The following HEATR4 variants were observed in gnomAD, a reference collection of about 807,000 sequenced individuals.
The protein encoded by HEATR4 is HEAT repeat containing 4, also known as HEAT repeat-containing protein 4.
In HEATR4, 95 loss-of-function variants were observed where a neutral mutation model predicts 108.8. The observed-to-expected ratio is 0.87, with a 90% CI of 0.74 to 1.04. The LOEUF (loss-of-function observed/expected upper bound fraction) is 1.04, where lower values mean the gene tolerates loss of function less well. Among genes scored for constraint, HEATR4 ranks in the 50% least tolerant of loss-of-function variants. The pLI is 0.00. For synonymous variants in HEATR4, 443 were observed against 459.4 expected, an observed-to-expected ratio of 0.96 and a Z score of 0.46; for missense variants, 1,152 against 1,253.8, an observed-to-expected ratio of 0.92 and a Z score of 1.23.
At chr14:73,513,600 G>A (rs1370510833) in intron 6 of HEATR4, among the ~76,000 whole-genome samples, 7 of 151,846 alleles carry the variant, frequency 4.6e-5, no homozygotes, top group African/African-American at 1.7e-4. Flanking sequence ...GGTGGCGGGT[G>A]CCTGTAATCC....
At chr14:73,553,142 C>G (rs1238302991) in intron 1 of HEATR4, among the ~76,000 whole-genome samples, 1 of 115,328 alleles carries the variant, frequency 8.7e-6, no homozygotes, top group Non-Finnish European at 1.9e-5. Flanking sequence ...AAGCCTCCTG[C>G]TCAGGACACT....
At chr14:73,559,395 C>T (rs1240487964), upstream of HEATR4, among the ~76,000 whole-genome samples, 2 of 151,556 alleles carry the variant, frequency 1.3e-5, no homozygotes, top group African/African-American at 2.4e-5. Context: ...CTGGGATTTG[C>T]AACTGTGAGC....
intron 1 of HEATR4, chr14:73,543,051 T>C (rs376948382): frequency 1.4e-6 from 2 of 1,440,744 alleles, no homozygotes; most frequent in African/African-American, 3.0e-5. Flanking sequence ...CTTTCTCAGG[T>C]AAAAGGTCCA....
chr14:73,509,947 C>T (rs1057002633), intron 7 of HEATR4, among the ~76,000 whole-genome samples: 1 of 148,102 alleles, frequency 6.8e-6, no homozygotes, highest in Non-Finnish European at 1.5e-5. Flanking sequence ...GATCTCAGCT[C>T]ACTGCAAGCT....
At chr14:73,595,310 A>G in the HEATR4 span, 1 of 1,614,228 alleles carries the variant, frequency 6.2e-7, no homozygotes, top group Admixed American at 1.7e-5. Context: ...GAACCCCAGC[A>G]TGATTCCAAT....
chr14:73,570,990 TAA>T, the HEATR4 span, among the ~76,000 whole-genome samples: 1 of 147,354 alleles, frequency 6.8e-6, no homozygotes, highest in Non-Finnish European at 1.5e-5. Flanking sequence ...TTTTTTTTTT[TAA>T]ATAAGAATTC....
intron 1 of HEATR4, among the ~76,000 whole-genome samples, chr14:73,551,809 TAAAAAA>T (rs1291975751): frequency 1.2e-5 from 1 of 80,558 alleles, no homozygotes; most frequent in African/African-American, 4.2e-5. Flanking sequence ...ATCTCCGTCT[TAAAAAA>T]AAAAAAAAAA....
intron 16 of HEATR4, among the ~76,000 whole-genome samples, chr14:73,493,602 C>T (rs928850460): frequency 1.3e-5 from 2 of 152,058 alleles, no homozygotes; most frequent in African/African-American, 2.4e-5. Flanking sequence ...CTTTAGGAGG[C>T]CGAGGCGGGT....
In HEATR4 at chr14:73,550,489, T is replaced by C. The variant is rs1442797726; in HGVS notation, c.-152+8262A>G. Reference sequence around the variant, plus strand: ...GAGACATGTGACATATGAACAAGCATGTACAGCTACTGTGCATGTGCACAC... The same window carrying C: ...GAGACATGTGACATATGAACAAGCACGTACAGCTACTGTGCATGTGCACAC... On this transcript the variant is annotated intron_variant, in intron 1 of 17. Coordinates refer to ENST00000553558, the MANE Select transcript of HEATR4 (RefSeq NM_001220484.1). Among the ~76,000 whole-genome samples, 2 of 113,886 alleles carry C rather than the reference T, an allele frequency of 1.8e-5. 1 individual carries two copies. The highest frequency in any genetic ancestry group is 3.8e-5 in the Non-Finnish European group (2 of 52,390). The allele number at this position is 113,886 out of a possible 152,430, so 74.7% of individuals were successfully genotyped here.
the HEATR4 span, chr14:73,569,975 C>G: frequency 2.1e-6 from 3 of 1,460,256 alleles, no homozygotes; most frequent in African/African-American, 2.9e-5. Context: ...TGTATGCCCC[C>G]CCGCCGCGCC....
chr14:73,603,063 A>G, the HEATR4 span, among the ~76,000 whole-genome samples: 3 of 145,084 alleles, frequency 2.1e-5, no homozygotes, highest in Admixed American at 2.2e-4. Flanking sequence ...GTATGTTACA[A>G]TGATGACTCT....
the HEATR4 span, among the ~76,000 whole-genome samples, chr14:73,606,288 G>A: frequency 6.6e-6 from 1 of 152,002 alleles, no homozygotes; most frequent in Admixed American, 6.6e-5. Context: ...CTCAGGAGGT[G>A]GAGGTTGCGG....
chr14:73,619,552 CA>C, the HEATR4 span: 203 of 1,614,038 alleles, frequency 1.3e-4, no homozygotes, highest in Middle Eastern at 3.3e-4. Context: ...CATGGATGAT[CA>C]AAGCTGGAAG....
In HEATR4 at chr14:73,551,240, T is replaced by C. The variant is rs2140319556; in HGVS notation, c.-152+7511A>G. ...TACCCCAACTAGTCAATGAGCCCAATTTTCTAGCCCTTTACCCTCCATGAT... is the reference window on the plus strand; with the variant it reads ...TACCCCAACTAGTCAATGAGCCCAACTTTCTAGCCCTTTACCCTCCATGAT... On this transcript the variant is annotated intron_variant, in intron 1 of 17. Transcript: ENST00000553558. Among the ~76,000 whole-genome samples, 2 of 114,280 alleles carry C rather than the reference T, an allele frequency of 1.8e-5. 1 individual carries two copies. Among genetic ancestry groups the C allele is most frequent in the Admixed American group, 2.0e-4 (2 of 10,032 alleles). 75.0% of individuals were successfully genotyped at this position (114,280 alleles called of 152,430 possible). A position where few individuals can be genotyped will look rare whatever the true frequency, so the allele number is the denominator to read the frequency against.
the HEATR4 span, chr14:73,619,890 T>C: frequency 6.7e-7 from 1 of 1,500,816 alleles, no homozygotes; most frequent in Non-Finnish European, 8.8e-7. Context: ...TTCATACAAC[T>C]TGTGTTGGGT....
the HEATR4 span, among the ~76,000 whole-genome samples, chr14:73,565,501 G>A: frequency 1.3e-5 from 2 of 150,886 alleles, no homozygotes; most frequent in Admixed American, 1.3e-4. Flanking sequence ...TGGTCTCACT[G>A]ACTTCAAGAA....
chr14:73,621,088 C>T, the HEATR4 span, among the ~76,000 whole-genome samples: 2 of 151,988 alleles, frequency 1.3e-5, no homozygotes, highest in Non-Finnish European at 2.9e-5. Context: ...TGGCGGGCAC[C>T]TGTAATCCCA....
chr14:73,518,138 C>T (rs767703241), intron 5 of HEATR4, among the ~76,000 whole-genome samples: 3 of 151,752 alleles, frequency 2.0e-5, no homozygotes, highest in Admixed American at 6.6e-5. Flanking sequence ...AGCTGTCTGG[C>T]GGGTGCCTCC....
At chr14:73,572,076 T>C in the HEATR4 span, among the ~76,000 whole-genome samples, 1 of 149,278 alleles carries the variant, frequency 6.7e-6, no homozygotes. Flanking sequence ...AGGAGCAACA[T>C]ATTCATCTGC....
Sources: allele counts gnomAD v4.1 joint callset (sites outside exome capture counted in the v4.1 genomes callset), GRCh38; gene constraint gnomAD v4.1.1; transcripts MANE v1.5; gene names NCBI Gene and HGNC (gene_info 2026-07-23, HGNC 2026-07-21).